The following COA1 variants were observed in gnomAD, a reference collection of about 807,000 sequenced individuals.
The protein encoded by COA1 is cytochrome c oxidase assembly factor 1, also known as cytochrome c oxidase assembly factor 1 homolog.
COA1 carries 13 observed loss-of-function variants against 16.0 expected under a neutral mutation model. That is an observed-to-expected ratio of 0.81 (90% CI 0.53 to 1.29). The LOEUF (loss-of-function observed/expected upper bound fraction) is 1.29. Among genes scored for constraint, COA1 ranks in the 50% most tolerant of loss-of-function variants. The pLI is 0.00. For synonymous variants in COA1, 65 were observed against 65.7 expected (o/e 0.99, Z 0.05); for missense variants, 179 against 177.0 (o/e 1.01, Z -0.06).
chr7:43,649,769 G>T (rs1056234704), intron 1 of COA1: 1 of 152,238 alleles, frequency 6.6e-6, no homozygotes, highest in African/African-American at 2.4e-5. Context: ...CCAACAGTTG[G>T]AAGTACTATA....
intron 6 of COA1, among the ~76,000 whole-genome samples, chr7:43,610,103 T>C (rs2082715663): frequency 2.0e-5 from 3 of 152,070 alleles, no homozygotes; most frequent in Admixed American, 1.3e-4. Context: ...TCCCAGCACT[T>C]TGGGAGGCCG....
chr7:43,673,385 TG>T (rs1048068608), intron 1 of COA1, among the ~76,000 whole-genome samples: 41 of 152,122 alleles, frequency 2.7e-4, no homozygotes, highest in African/African-American at 9.9e-4. Flanking sequence ...AAGAAGCATA[TG>T]AAAAAAAGTT....
chr7:43,615,396 C>G (rs542224207), intron 6 of COA1, among the ~76,000 whole-genome samples: 1 of 152,184 alleles, frequency 6.6e-6, no homozygotes, highest in African/African-American at 2.4e-5. Context: ...AGGCTGGTCT[C>G]GAACTCCTAA....
chr7:43,639,596 C>G lies in COA1; in HGVS notation c.427G>C (p.Val143Leu), dbSNP rs1379239098. 2.5e-6 allele frequency: 4 copies of G among 1,613,782 alleles called. No homozygotes were observed. Among genetic ancestry groups the G allele is most frequent in the Non-Finnish European group, 3.4e-6 (4 of 1,179,784 alleles). Residue 143 changes from valine (V) to leucine (L), a missense_variant, in exon 6 of 6, where the codon GTG becomes CTG. Physicochemically the swap from Val to Leu is conservative, Grantham distance 32. Transcript: ENST00000223336. ...CTGGGTCGTCTCTACTCCTTTTTCA[C>G]TTCATCACCGTTTTCCCCACTGAGC... is the stretch of plus-strand genomic sequence containing the variant. ...FKLSGENGDE[V>L]KKE
At chr7:43,638,564 TCC>T (rs1327765590), downstream of COA1, among the ~76,000 whole-genome samples, 2 of 118,722 alleles carry the variant, frequency 1.7e-5, no homozygotes, top group Non-Finnish European at 1.8e-5. Context: ...TCTTTTTCTT[TCC>T]TTTTTTTTTT....
chr7:43,697,263 T>G (rs2094560168), intron 1 of COA1, among the ~76,000 whole-genome samples: 1 of 152,232 alleles, frequency 6.6e-6, no homozygotes, highest in Non-Finnish European at 1.5e-5. Context: ...AACATATTCA[T>G]AATTTTAATT....
At chr7:43,647,477 G>C in intron 3 of COA1, 58 bp downstream of exon 3, 1 of 742,246 alleles carries the variant, frequency 1.3e-6, no homozygotes, top group Admixed American at 2.1e-5. Context: ...TCCTCTGATG[G>C]AGGAGCAGGA....
intron 4 of COA1, among the ~76,000 whole-genome samples, chr7:43,644,912 G>A (rs2088805533): frequency 1.3e-5 from 2 of 151,648 alleles, no homozygotes; most frequent in Admixed American, 6.6e-5. Context: ...CTCCCAAAGT[G>A]CTGAGAGCTA....
intron 2 of COA1, chr7:43,648,332 G>C: frequency 1.8e-6 from 1 of 561,806 alleles, no homozygotes; most frequent in Non-Finnish European, 3.2e-6. Flanking sequence ...AATTTGAAGA[G>C]AGCTCAACAG....
At chr7:43,698,160 CAA>C (rs2094587629) in intron 1 of COA1, among the ~76,000 whole-genome samples, 1 of 152,202 alleles carries the variant, frequency 6.6e-6, no homozygotes, top group East Asian at 1.9e-4. Context: ...ACTGACTTTG[CAA>C]AGTCAAAACA....
chr7:43,697,189 A>T (rs996153774), intron 1 of COA1, among the ~76,000 whole-genome samples: 1 of 152,154 alleles, frequency 6.6e-6, no homozygotes, highest in African/African-American at 2.4e-5. Flanking sequence ...TAAGAATCTG[A>T]TATCAGTAAA....
At chr7:43,675,569 G>A (rs1201770730) in intron 1 of COA1, among the ~76,000 whole-genome samples, 2 of 152,094 alleles carry the variant, frequency 1.3e-5, no homozygotes, top group Admixed American at 6.6e-5. Flanking sequence ...CCTGCACATT[G>A]TGCACATGTA....
intron 1 of COA1, among the ~76,000 whole-genome samples, chr7:43,718,431 T>C (rs1199581162): frequency 1.3e-5 from 2 of 152,208 alleles, no homozygotes; most frequent in East Asian, 1.9e-4. Flanking sequence ...TCACATCTAA[T>C]ACTATTGACC....
intron 6 of COA1, chr7:43,622,281 A>G (rs1052748919): frequency 5.3e-5 from 8 of 151,354 alleles, no homozygotes; most frequent in African/African-American, 2.0e-4. Flanking sequence ...TTCTCACTCA[A>G]CCATTTCAGA....
intron 6 of COA1, chr7:43,625,716 A>AT (rs2084440970): frequency 6.6e-6 from 1 of 151,360 alleles, no homozygotes. Flanking sequence ...ATGCTACTAT[A>AT]TTGCTTTTGT....
At chr7:43,633,365 T>C (rs1026012876) in intron 6 of COA1, 4 of 152,238 alleles carry the variant, frequency 2.6e-5, no homozygotes, top group Non-Finnish European at 5.9e-5. Context: ...GGGTTATTAA[T>C]TGGCCCAATT....
At chr7:43,715,006 TAAAAA>T (rs755827781) in intron 1 of COA1, among the ~76,000 whole-genome samples, 2,650 of 95,696 alleles carry the variant, frequency 0.028, 116 homozygotes, top group African/African-American at 0.1. Flanking sequence ...GCCTCTTGTC[TAAAAA>T]AAAAAAAAAA....
At chr7:43,644,764 AGGCAGG>A (rs2088538110) in intron 4 of COA1, among the ~76,000 whole-genome samples, 37 of 74,674 alleles carry the variant, frequency 5.0e-4, no homozygotes, top group African/African-American at 1.6e-3. Flanking sequence ...ATAGATAGGC[AGGCAGG>A]CAGGCAGGCA....
At chr7:43,709,566 AG>A (rs896967298) in intron 1 of COA1, among the ~76,000 whole-genome samples, 5 of 152,058 alleles carry the variant, frequency 3.3e-5, no homozygotes, top group Non-Finnish European at 5.9e-5. Context: ...TAACAAATTA[AG>A]TATCTACATA....
Sources: gnomAD v4.1 joint callset for allele counts (sites outside exome capture counted in the v4.1 genomes callset) on GRCh38, gnomAD v4.1.1 for gene constraint, MANE v1.5 for transcripts, NCBI Gene and HGNC (gene_info 2026-07-23, HGNC 2026-07-21) for gene names.